The following OR51B5 variants were observed in gnomAD, a reference collection of about 807,000 sequenced individuals.
The protein encoded by OR51B5 is olfactory receptor family 51 subfamily B member 5.
For missense variants in OR51B5, 456 were observed against 374.6 expected (o/e 1.22, Z -1.79); for synonymous variants, 186 against 144.8 (o/e 1.28, Z -2.04).
intron 1 of OR51B5, among the ~76,000 whole-genome samples, chr11:5,497,959 GACTGGTT>G (rs1289704444): frequency 6.6e-6 from 1 of 152,118 alleles, no homozygotes; most frequent in Non-Finnish European, 1.5e-5. Context: ...AACAACTAAT[GACTGGTT>G]ACCTACTGGA....
intron 1 of OR51B5, chr11:5,390,685 A>C: frequency 3.6e-6 from 1 of 278,988 alleles, no homozygotes; most frequent in Non-Finnish European, 6.7e-6. Flanking sequence ...AAAAACTAAA[A>C]AGAACAATAA....
At chr11:5,470,603 T>A (rs1247084538) in intron 1 of OR51B5, among the ~76,000 whole-genome samples, 2 of 152,214 alleles carry the variant, frequency 1.3e-5, no homozygotes, top group East Asian at 1.9e-4. Context: ...TTAAACATAA[T>A]GTGCAAAATT....
Position 5,443,411 on chromosome 11 carries a change from C to A in OR51B5, n.84+62158G>T, listed in dbSNP as rs1850720236. Among the ~76,000 whole-genome samples, 7 of 152,072 alleles carry A rather than the reference C, an allele frequency of 4.6e-5. No individual in the cohort carries two copies. In the South Asian group the frequency reaches 1.4e-3, roughly 31 times the overall value. On this transcript the variant is annotated intron_variant and non_coding_transcript_variant, in intron 1 of 4. Coordinates refer to the OR51B5 transcript ENST00000415970. Reference sequence around the variant, plus strand: ...ATCCATTTAATGAGTAGTGTTTTCTCCTTATGGGCTACTCTCCTTGCTAAA... The same window carrying A: ...ATCCATTTAATGAGTAGTGTTTTCTACTTATGGGCTACTCTCCTTGCTAAA...
intron 1 of OR51B5, among the ~76,000 whole-genome samples, chr11:5,360,932 T>C (rs1047857067): frequency 1.3e-5 from 2 of 150,860 alleles, no homozygotes; most frequent in East Asian, 1.9e-4. Context: ...TAGGTGGGAA[T>C]TGAACAATGA....
intron 1 of OR51B5, among the ~76,000 whole-genome samples, chr11:5,398,466 G>T (rs927083169): frequency 1.3e-5 from 2 of 152,154 alleles, no homozygotes; most frequent in Admixed American, 6.5e-5. Context: ...GGACTAAGAA[G>T]ATATGAATGC....
At chr11:5,489,415 C>T in intron 1 of OR51B5, 1 of 1,613,904 alleles carries the variant, frequency 6.2e-7, no homozygotes. Flanking sequence ...TCATGATGCC[C>T]AGCACAAAGC....
intron 1 of OR51B5, chr11:5,422,551 C>T (rs1462888753): frequency 6.2e-7 from 1 of 1,614,054 alleles, no homozygotes; most frequent in African/African-American, 1.3e-5. Flanking sequence ...CTTCTGTCCT[C>T]CTGGCTATGT....
At chr11:5,468,966 G>A (rs545462911) in intron 1 of OR51B5, 38 of 348,160 alleles carry the variant, frequency 1.1e-4, no homozygotes, top group Non-Finnish European at 1.5e-4. Flanking sequence ...CAGAAGCTGC[G>A]GATGACAATG....
At chr11:5,342,496 G>A (rs1000445013), downstream of OR51B5, 39 of 1,445,452 alleles carry the variant, frequency 2.7e-5, no homozygotes, top group African/African-American at 3.6e-4. Context: ...CAAGTCATAT[G>A]AGCATGCATG....
At chr11:5,341,834 C>T (rs1476888208), downstream of OR51B5, among the ~76,000 whole-genome samples, 1 of 152,120 alleles carries the variant, frequency 6.6e-6, no homozygotes, top group African/African-American at 2.4e-5. Flanking sequence ...GAGCTAGCAA[C>T]TAGGGTAGTA....
chr11:5,355,862 G>T (rs11036968), intron 1 of OR51B5, among the ~76,000 whole-genome samples: 57,515 of 151,654 alleles, frequency 0.38, 11,105 homozygotes, highest in Non-Finnish European at 0.41. Context: ...TGACATAGGC[G>T]TCAATATACA....
At position 5,422,232 on chromosome 11, in the gene OR51B5, G is replaced by A. The variant is rs143141159; in HGVS notation, n.85-75322C>T. Reference sequence around the variant, plus strand: ...CAGGTGACTAACACCACACAAGAAGGCATCTACTTCATCCTCACGGACATC... The same window carrying A: ...CAGGTGACTAACACCACACAAGAAGACATCTACTTCATCCTCACGGACATC... On this transcript the variant is annotated intron_variant and non_coding_transcript_variant, in intron 1 of 4. Coordinates refer to the OR51B5 transcript ENST00000415970. 1.4e-4 allele frequency: 222 copies of A among 1,612,814 alleles called. No individual in the cohort carries two copies. The highest frequency in any genetic ancestry group is 1.7e-4 in the Non-Finnish European group (203 of 1,179,400).
At chr11:5,444,902 G>A (rs1158116729) in intron 1 of OR51B5, among the ~76,000 whole-genome samples, 1 of 152,168 alleles carries the variant, frequency 6.6e-6, no homozygotes, top group Non-Finnish European at 1.5e-5. Flanking sequence ...ATCAGGGAAT[G>A]TAAACACACT....
At chr11:5,480,267 T>A (rs939488258) in intron 1 of OR51B5, among the ~76,000 whole-genome samples, 8 of 150,106 alleles carry the variant, frequency 5.3e-5, no homozygotes, top group African/African-American at 1.7e-4. Context: ...ACTGGATACA[T>A]AACGAAATGA....
At chr11:5,386,752 A>C (rs1849701352) in intron 1 of OR51B5, among the ~76,000 whole-genome samples, 1 of 152,176 alleles carries the variant, frequency 6.6e-6, no homozygotes, top group Non-Finnish European at 1.5e-5. Flanking sequence ...TTGGCTACAG[A>C]GATGAAGATG....
intron 1 of OR51B5, chr11:5,352,017 T>C: frequency 1.9e-6 from 3 of 1,613,874 alleles, no homozygotes; most frequent in Non-Finnish European, 2.5e-6. Flanking sequence ...GTCGATCCCA[T>C]GTACTCTCCC....
chr11:5,343,090 TCCCAGCCCA>T, exon 1 of OR51B5: 1 of 1,613,118 alleles, frequency 6.2e-7, no homozygotes, highest in African/African-American at 1.3e-5. Flanking sequence ...TCATCAGAAC[TCCCAGCCCA>T]ATCTTCACTA....
chr11:5,358,520 C>T lies in OR51B5; in HGVS notation n.85-11610G>A, dbSNP rs77349428. On this transcript the variant is annotated intron_variant and non_coding_transcript_variant, in intron 1 of 4. Transcript: ENST00000415970. Reference sequence around the variant, plus strand: ...TAATTAATAGCTTACCAACCAAAAACAGTCCAGGACCAGATGGAGTCACAG... The same window carrying T: ...TAATTAATAGCTTACCAACCAAAAATAGTCCAGGACCAGATGGAGTCACAG... Among the ~76,000 whole-genome samples the T allele has an allele frequency of 4.6e-5, 7 of 152,132 alleles. No homozygotes were observed. In the South Asian group the frequency reaches 8.3e-4, roughly 18 times the overall value.
At chr11:5,396,414 T>G (rs1339243990) in intron 1 of OR51B5, among the ~76,000 whole-genome samples, 1 of 152,228 alleles carries the variant, frequency 6.6e-6, no homozygotes, top group East Asian at 1.9e-4. Flanking sequence ...CAAGCATTCT[T>G]ATACACCAAT....
Sources: gnomAD v4.1 joint callset for allele counts (sites outside exome capture counted in the v4.1 genomes callset) on GRCh38, gnomAD v4.1.1 for gene constraint, MANE v1.5 for transcripts, NCBI Gene and HGNC (gene_info 2026-07-23, HGNC 2026-07-21) for gene names.